IKBKE: variants seen among roughly 807,000 people sequenced by gnomAD.
IKBKE encodes inhibitor of nuclear factor kappa B kinase subunit epsilon, also known as inhibitor of nuclear factor kappa-B kinase subunit epsilon.
In IKBKE, 45 loss-of-function variants were observed where a neutral mutation model predicts 92.1. The observed-to-expected ratio is 0.49, with a 90% CI of 0.38 to 0.63. IKBKE has a LOEUF of 0.63. IKBKE is among the 20% of genes least tolerant of loss of function. The pLI is 0.00. For missense variants in IKBKE, 700 were observed against 932.8 expected, an observed-to-expected ratio of 0.75 and a Z score of 3.25; for synonymous variants, 374 against 380.3, an observed-to-expected ratio of 0.98 and a Z score of 0.19.
chr1:206,472,145 G>A (rs1157627204), intron 2 of IKBKE, among the ~76,000 whole-genome samples: 1 of 152,206 alleles, frequency 6.6e-6, no homozygotes, highest in African/African-American at 2.4e-5. Flanking sequence ...AAGCTCCTCA[G>A]GAGGCTGAGT....
chr1:206,485,025 A>G lies in IKBKE; in HGVS notation c.1456A>G (p.Ile486Val). ...CAGCAGCGTGGCTGGAACGCCTGAGATCCAGGAACTGAAGGCGGCTGCAGA... is the reference window on the plus strand; with the variant it reads ...CAGCAGCGTGGCTGGAACGCCTGAGGTCCAGGAACTGAAGGCGGCTGCAGA... ...RFSSVAGTPE[I>V]QELKAAAELR... The change falls in exon 14 of 22, where the codon ATC (isoleucine) becomes GTC (valine). Residue 486 changes from isoleucine to valine, a missense_variant. Coordinates refer to ENST00000581977, the MANE Select transcript of IKBKE (RefSeq NM_014002.4). The surrounding 1 kb of genome is among the most constrained non-coding windows in gnomAD (Gnocchi z 5.0). 1.2e-6 allele frequency: 2 copies of G among 1,614,094 alleles called. No individual in the cohort carries two copies. Among genetic ancestry groups the G allele is most frequent in the Middle Eastern group, 1.7e-4 (1 of 6,054 alleles).
At chr1:206,492,630 A>G (rs782324196) in intron 18 of IKBKE, 1 of 478,718 alleles carries the variant, frequency 2.1e-6, no homozygotes, top group South Asian at 1.5e-5. Context: ...CTCCACTTAG[A>G]GATAGAAGAG....
At chr1:206,472,703 G>C (rs751153898) in intron 2 of IKBKE, among the ~76,000 whole-genome samples, 1 of 152,168 alleles carries the variant, frequency 6.6e-6, no homozygotes, top group Admixed American at 6.5e-5. Context: ...GCAGGCCAGC[G>C]GGGGCTGGGG....
intron 16 of IKBKE, among the ~76,000 whole-genome samples, 181 bp downstream of exon 16, chr1:206,488,171 GGCCCCTGTCTGCAA>G (rs1234244981): frequency 6.6e-6 from 1 of 152,264 alleles, no homozygotes; most frequent in African/African-American, 2.4e-5. Flanking sequence ...CTAGGGGCAA[GGCCCCTGTCTGCAA>G]GCTGCCTGCA....
chr1:206,482,309 A>G (rs1028812301), intron 13 of IKBKE, among the ~76,000 whole-genome samples: 4 of 152,174 alleles, frequency 2.6e-5, no homozygotes, highest in Admixed American at 1.3e-4. Context: ...GTCCAGCTAG[A>G]GAGAGGTTGG....
chr1:206,471,762 C>T lies in IKBKE; in HGVS notation c.-33+517C>T, dbSNP rs79294215. ...ACCTGATCTGAAACTAGGAGTTGACCACCGATCTCTTCAAGGGGCCTCTGG... is the reference window on the plus strand; with the variant it reads ...ACCTGATCTGAAACTAGGAGTTGACTACCGATCTCTTCAAGGGGCCTCTGG... On this transcript the variant is annotated intron_variant, in intron 2 of 21. Transcript: ENST00000581977. 1.4e-3 allele frequency among the ~76,000 whole-genome samples: 207 copies of T among 152,270 alleles called. 1 individual carries two copies. Among genetic ancestry groups the T allele is most frequent in the African/African-American group, 4.8e-3 (200 of 41,524 alleles).
At chr1:206,491,796 C>T in intron 18 of IKBKE, 47 bp downstream of exon 18, 1 of 1,396,864 alleles carries the variant, frequency 7.2e-7, no homozygotes, top group African/African-American at 1.4e-5. Context: ...TGGCCTGGCC[C>T]TTCTAGGCTT....
At chr1:206,483,199 T>A (rs1203475991) in intron 13 of IKBKE, among the ~76,000 whole-genome samples, 1 of 152,240 alleles carries the variant, frequency 6.6e-6, no homozygotes, top group Non-Finnish European at 1.5e-5. Flanking sequence ...TATCTTATTG[T>A]GTCGCAGGAA....
chr1:206,493,094 AG>A lies in IKBKE; in HGVS notation c.1912del (p.Val638SerfsTer31). 1 of 1,593,294 alleles carries A rather than the reference AG, an allele frequency of 6.3e-7. No individual in the cohort carries two copies. The highest frequency in any genetic ancestry group is 8.5e-7 in the Non-Finnish European group (1 of 1,171,048). On this transcript the variant is annotated frameshift_variant, in exon 19 of 22. Transcript: ENST00000581977. LOFTEE classifies it high-confidence loss of function. ...GTGGCTGCCTGTAACACAGAAGCCCAGGGGGTCCAGGAGAGTCTCAGCAAGG... is the reference window on the plus strand; with the variant it reads ...GTGGCTGCCTGTAACACAGAAGCCCAGGGGTCCAGGAGAGTCTCAGCAAGG... Reference protein sequence around the residue: ...CSVAACNTEAQGVQESLSKLL... With the variant: ...CSVAACNTEAXGVQESLSKLL...
chr1:206,472,006 T>G (rs1027800539), intron 2 of IKBKE, among the ~76,000 whole-genome samples: 5 of 152,320 alleles, frequency 3.3e-5, no homozygotes, highest in African/African-American at 9.6e-5. Context: ...AGCAATTTTT[T>G]GGGGAAGCCC....
intron 5 of IKBKE, chr1:206,475,268 T>C: frequency 2.1e-6 from 1 of 480,390 alleles, no homozygotes; most frequent in South Asian, 4.4e-5. Context: ...TGACACCTGC[T>C]ACAACATGGA....
Position 206,496,484 on chromosome 1 carries a change from A to G in IKBKE, c.*339A>G, listed in dbSNP as rs782731604. On this transcript the variant is annotated 3_prime_UTR_variant, in exon 22 of 22. Coordinates refer to ENST00000581977, the MANE Select transcript of IKBKE (RefSeq NM_014002.4). ...AGAAGAAGCTCTCATACGCCTTCCC[A>G]CTCCCTCTGGTTTATAGGACTTCAC... is the stretch of plus-strand genomic sequence containing the variant. The G allele has an allele frequency of 2.8e-6, 1 of 354,082 alleles. No individual in the cohort carries two copies. The highest frequency in any genetic ancestry group is 5.2e-6 in the Non-Finnish European group (1 of 191,196). The allele number at this position is 354,082 out of a possible 1,614,324, so 21.9% of individuals were successfully genotyped here.
intron 18 of IKBKE, chr1:206,492,387 C>T (rs17434047): frequency 0.023 from 10,567 of 463,132 alleles, 200 homozygotes; most frequent in Non-Finnish European, 0.032. Context: ...CCTGTAGGAC[C>T]TCACCTTGTT....
chr1:206,482,212 T>C (rs937892083), intron 13 of IKBKE, among the ~76,000 whole-genome samples: 15 of 152,034 alleles, frequency 9.9e-5, no homozygotes, highest in East Asian at 3.9e-4. Flanking sequence ...GCCACAGTCA[T>C]GATGGCAGAT....
intron 2 of IKBKE, among the ~76,000 whole-genome samples, chr1:206,472,333 A>T (rs1664820119): frequency 6.6e-6 from 1 of 152,182 alleles, no homozygotes; most frequent in Non-Finnish European, 1.5e-5. Context: ...GTATCCCAAA[A>T]AGGCCAGCAC....
intron 17 of IKBKE, chr1:206,491,217 G>C (rs1253908536): frequency 7.5e-6 from 3 of 398,932 alleles, no homozygotes; most frequent in Non-Finnish European, 1.4e-5. Context: ...CATGTTTCCC[G>C]GACACACTCA....
rs1342652993 is a variant in IKBKE, at chr1:206,476,450, C to A, written c.540+88C>A. The A allele has an allele frequency of 2.2e-6, 3 of 1,357,674 alleles. No homozygotes were observed. The highest frequency in any genetic ancestry group is 2.9e-5 in the African/African-American group (2 of 69,292). The allele number at this position is 1,357,674 out of a possible 1,614,324, so 84.1% of individuals were successfully genotyped here. A position where few individuals can be genotyped will look rare whatever the true frequency, so the allele number is the denominator to read the frequency against. On this transcript the variant is annotated intron_variant, in intron 6 of 21. Coordinates refer to ENST00000581977, the MANE Select transcript of IKBKE (RefSeq NM_014002.4). This position sits in a 1 kb window ranked among gnomAD's most constrained non-coding sequence, Gnocchi z 5.1. ...CCAGAGCCCCCATGAGGGGGTGTGG[C>A]CCACCTCCTGCTTCCACAGGAGTTA...
chr1:206,483,964 C>CT (rs41299011), intron 13 of IKBKE, among the ~76,000 whole-genome samples: 1,822 of 151,480 alleles, frequency 0.012, 30 homozygotes, highest in African/African-American at 0.042. Context: ...TATTTCTTTT[C>CT]TTTTTTTTCA....
chr1:206,479,788 T>C, intron 10 of IKBKE, 82 bp from the exon 11 acceptor site: 2 of 1,384,298 alleles, frequency 1.4e-6, no homozygotes, highest in Non-Finnish European at 2.0e-6. Context: ...CAGTGAGGGG[T>C]GAGTGTGAGC....
Sources: gnomAD v4.1 joint callset for allele counts (sites outside exome capture counted in the v4.1 genomes callset) on GRCh38, gnomAD v4.1.1 for gene constraint, Gnocchi (gnomAD v3.1) non-coding constraint, MANE v1.5 for transcripts, NCBI Gene and HGNC (gene_info 2026-07-23, HGNC 2026-07-21) for gene names.